C2: variants seen among roughly 807,000 people sequenced by gnomAD.
C2 encodes the protein C3/C5 convertase.
In C2, 64 loss-of-function variants were observed where a neutral mutation model predicts 85.2. The observed-to-expected ratio is 0.75, with a 90% CI of 0.61 to 0.92. The LOEUF (loss-of-function observed/expected upper bound fraction) is 0.92. Ranked by LOEUF, C2 falls within the 40% of genes least tolerant of loss-of-function variation. The probability of loss-of-function intolerance (pLI) is 0.00; values close to 1 mark genes in which losing one functional copy is unlikely to be tolerated. For missense variants in C2, 820 were observed against 971.6 expected, an observed-to-expected ratio of 0.84 and a Z score of 2.07; for synonymous variants, 311 against 370.8, an observed-to-expected ratio of 0.84 and a Z score of 1.85.
chr6:31,928,726 C>T lies in C2; in HGVS notation c.257-6C>T, dbSNP rs758896389. 1 of 1,614,216 alleles carries T rather than the reference C, an allele frequency of 6.2e-7. No individual in the cohort carries two copies. The highest frequency in any genetic ancestry group is 8.5e-7 in the Non-Finnish European group (1 of 1,180,020). ...TATATTCCCCACCCACTTCCTCTCT[C>T]TCCAGCTGTGCGCTGTCCAGCCCCT... On this transcript the variant is annotated splice_polypyrimidine_tract_variant and splice_region_variant and intron_variant, in intron 2 of 17. Coordinates refer to ENST00000299367, the MANE Select transcript of C2 (RefSeq NM_000063.6).
intron 4 of C2, 38 bp downstream of exon 4, chr6:31,933,821 C>T (rs762058437): frequency 2.5e-6 from 4 of 1,613,664 alleles, no homozygotes; most frequent in Admixed American, 1.7e-5. Flanking sequence ...TTCCTCGGCA[C>T]ACCCGGCCAC....
rs1770174276 is a variant in C2 at position 31,933,952 on chromosome 6, C to T, written c.702C>T (p.Thr234=). 2 of 1,613,448 alleles carry T rather than the reference C, an allele frequency of 1.2e-6. No homozygotes were observed. Among genetic ancestry groups the T allele is most frequent in the African/African-American group, 2.7e-5 (2 of 74,928 alleles). The change falls in exon 5 of 18, where the codon ACC becomes ACT. Residue 234 remains threonine (T), a synonymous_variant. Coordinates refer to ENST00000299367, the MANE Select transcript of C2 (RefSeq NM_000063.6). ...FSHMLGATNP[T]QKTKESLGRK... ...ACATGCTTGGGGCCACCAATCCCAC[C>T]CAGAAGACAAAGGGTGAGTGTTTGA...
chr6:31,928,060 G>A lies in C2; in HGVS notation c.152G>A (p.Cys51Tyr). Reference sequence around the variant, plus strand: ...CCTGGGAGCCTTCTCACCTACTCCTGCCCCCAGGGCCTGTACCCATCCCCA... The same window carrying A: ...CCTGGGAGCCTTCTCACCTACTCCTACCCCCAGGGCCTGTACCCATCCCCA... The part of the protein sequence containing the change: ...WAPGSLLTYS[C>Y]PQGLYPSPAS... Residue 51 changes from cysteine to tyrosine, a missense_variant, in exon 2 of 18, where the codon TGC becomes TAC. Transcript: ENST00000299367. The A allele has an allele frequency of 6.2e-7, 1 of 1,613,976 alleles. No individual in the cohort carries two copies. Among genetic ancestry groups the A allele is most frequent in the Non-Finnish European group, 8.5e-7 (1 of 1,179,982 alleles).
In C2 at chr6:31,944,694, C is replaced by T; in HGVS notation, c.1903-33C>T. The T allele has an allele frequency of 1.2e-6, 2 of 1,612,668 alleles. No individual in the cohort carries two copies. Among genetic ancestry groups the T allele is most frequent in the Non-Finnish European group, 1.7e-6 (2 of 1,179,932 alleles). On this transcript the variant is annotated intron_variant, in intron 15 of 17. Transcript: ENST00000299367. The surrounding 1 kb of genome is among the most constrained non-coding windows in gnomAD (Gnocchi z 5.1). ...CTGCACCCACCCGGGTCTGCTTATTCTACCCTTCTCTCTGGTTCCACCCCT... is the reference window on the plus strand; with the variant it reads ...CTGCACCCACCCGGGTCTGCTTATTTTACCCTTCTCTCTGGTTCCACCCCT...
At chr6:31,914,891 C>T (rs180754509) in intron 1 of C2, among the ~76,000 whole-genome samples, 6 of 151,898 alleles carry the variant, frequency 4.0e-5, no homozygotes, top group African/African-American at 1.2e-4. Context: ...CCAGCCTGGG[C>T]GACAGAGCAA....
At chr6:31,913,030 C>T (rs1031953284) in intron 1 of C2, among the ~76,000 whole-genome samples, 1 of 70,552 alleles carries the variant, frequency 1.4e-5, no homozygotes, top group Non-Finnish European at 2.8e-5. Context: ...CCTGTTTCCA[C>T]AAAAAAAAAA....
chr6:31,914,947 C>T (rs926110778), intron 1 of C2, among the ~76,000 whole-genome samples: 1 of 152,078 alleles, frequency 6.6e-6, no homozygotes, highest in African/African-American at 2.4e-5. Context: ...AATGAACAAG[C>T]AGTCATGGTG....
chr6:31,908,476 A>G (rs1767875465), intron 1 of C2, among the ~76,000 whole-genome samples: 1 of 151,296 alleles, frequency 6.6e-6, no homozygotes. Context: ...AACATGGTGA[A>G]ACCCAATCTC....
upstream of C2, among the ~76,000 whole-genome samples, chr6:31,916,445 G>A (rs944734259): frequency 6.6e-6 from 1 of 151,854 alleles, no homozygotes; most frequent in Non-Finnish European, 1.5e-5. Context: ...TGTCATCCCA[G>A]CTATTTGGGA....
intron 7 of C2, 126 bp downstream of exon 7, chr6:31,936,187 C>T (rs1364298422): frequency 9.6e-7 from 1 of 1,037,764 alleles, no homozygotes; most frequent in Admixed American, 2.0e-5. Flanking sequence ...TCCCACGAGT[C>T]TGGGGTAGTT....
chr6:31,900,649 C>T (rs1460366510), upstream of C2: 1 of 1,612,856 alleles, frequency 6.2e-7, no homozygotes, highest in East Asian at 2.2e-5. The surrounding 1 kb of genome is among the most constrained non-coding windows in gnomAD (Gnocchi z 9.7). Flanking sequence ...GCCGGTGTGC[C>T]ACCTCCAGGG....
At chr6:31,909,302 T>G (rs1343805252) in intron 1 of C2, among the ~76,000 whole-genome samples, 2 of 151,964 alleles carry the variant, frequency 1.3e-5, no homozygotes, top group Non-Finnish European at 2.9e-5. Flanking sequence ...TAACGTATTA[T>G]TATTATTATT....
At chr6:31,932,121 A>ACCCC (rs1293017449) in intron 3 of C2, among the ~76,000 whole-genome samples, 1 of 122,620 alleles carries the variant, frequency 8.2e-6, no homozygotes, top group African/African-American at 3.4e-5. Context: ...CGAGGGGCTG[A>ACCCC]CCCCCCCACC....
Position 31,933,942 on chromosome 6 carries a change from C to T in C2, c.692C>T (p.Thr231Ile). ...TCCTTCTCCCACATGCTTGGGGCCA[C>T]CAATCCCACCCAGAAGACAAAGGGT... ...GTSFSHMLGA[T>I]NPTQKTKESL... The change falls in exon 5 of 18, where the codon ACC becomes ATC. Residue 231 changes from threonine to isoleucine, a missense_variant. Transcript: ENST00000299367. 1 of 1,613,902 alleles carries T rather than the reference C, an allele frequency of 6.2e-7. No individual in the cohort carries two copies. Among genetic ancestry groups the T allele is most frequent in the Non-Finnish European group, 8.5e-7 (1 of 1,179,778 alleles).
At chr6:31,927,146 GA>G (rs1254194025), upstream of C2, among the ~76,000 whole-genome samples, 1 of 152,072 alleles carries the variant, frequency 6.6e-6, no homozygotes, top group Non-Finnish European at 1.5e-5. The surrounding 1 kb of genome is among the most constrained non-coding windows in gnomAD (Gnocchi z 4.7). Context: ...GGATTGTAGG[GA>G]ATAAAAAAGT....
chr6:31,905,399 C>G (rs2151701382), intron 1 of C2, among the ~76,000 whole-genome samples: 1 of 151,300 alleles, frequency 6.6e-6, no homozygotes. Flanking sequence ...GATAGTGCCA[C>G]TGTACTCCAG....
intron 3 of C2, among the ~76,000 whole-genome samples, chr6:31,931,140 C>CT (rs1465622908): frequency 6.6e-6 from 1 of 151,756 alleles, no homozygotes; most frequent in African/African-American, 2.4e-5. Flanking sequence ...GTACTTTGTT[C>CT]TTTTTTATTG....
Position 31,944,375 on chromosome 6 carries a change from T to C in C2, c.1902+149T>C, listed in dbSNP as rs1771174429. The C allele has an allele frequency of 1.4e-6, 1 of 690,520 alleles. No homozygotes were observed. Among genetic ancestry groups the C allele is most frequent in the Admixed American group, 2.2e-5 (1 of 46,020 alleles). The allele number at this position is 690,520 out of a possible 1,614,324, so 42.8% of individuals were successfully genotyped here. ...CAAACCTGCTAGGTGTCCCTGGGTC[T>C]GCTTATTCTTTTTTTGTTGTTATTG... On this transcript the variant is annotated intron_variant, in intron 15 of 17. Transcript: ENST00000299367. This position sits in a 1 kb window ranked among gnomAD's most constrained non-coding sequence, Gnocchi z 5.1.
At chr6:31,939,373 G>T in intron 9 of C2, 53 bp downstream of exon 9, 1 of 1,315,222 alleles carries the variant, frequency 7.6e-7, no homozygotes, top group Non-Finnish European at 1.1e-6. Context: ...GAGGTCATGA[G>T]ATCTTCAGCC....
Sources: allele counts gnomAD v4.1 joint callset (sites outside exome capture counted in the v4.1 genomes callset), GRCh38; gene constraint gnomAD v4.1.1; non-coding constraint Gnocchi (gnomAD v3.1); transcripts MANE v1.5; gene names NCBI Gene and HGNC (gene_info 2026-07-23, HGNC 2026-07-21).